The following ZSCAN26 variants were observed in gnomAD, a reference collection of about 807,000 sequenced individuals.
ZSCAN26 encodes the protein zinc finger and SCAN domain-containing protein 26.
A neutral mutation model predicts 23.0 loss-of-function variants in ZSCAN26; 26 were observed. The ratio of observed to expected loss-of-function variants is 1.13; its 90% CI spans 0.83 to 1.57. ZSCAN26 has a LOEUF of 1.57. Ranked by LOEUF, ZSCAN26 falls within the 40% of genes most tolerant of loss-of-function variation. The pLI, the probability that ZSCAN26 is intolerant of heterozygous loss-of-function variation, is 0.00. For synonymous variants in ZSCAN26, 180 were observed against 202.5 expected, an observed-to-expected ratio of 0.89 and a Z score of 0.94; for missense variants, 528 against 568.5, an observed-to-expected ratio of 0.93 and a Z score of 0.72.
intron 3 of ZSCAN26, among the ~76,000 whole-genome samples, chr6:28,274,006 C>G (rs1474709785): frequency 6.6e-6 from 1 of 152,118 alleles, no homozygotes; most frequent in South Asian, 2.1e-4. Context: ...TAGGTGCAAG[C>G]CACTCGCCCA....
At chr6:28,276,058 T>TG in intron 3 of ZSCAN26, 137 bp from the exon 4 acceptor site, 1 of 727,018 alleles carries the variant, frequency 1.4e-6, no homozygotes, top group Non-Finnish European at 2.2e-6. Context: ...TGTAACTATT[T>TG]TACGCAATCA....
chr6:28,272,108 A>C lies in ZSCAN26; in HGVS notation c.189A>C (p.Thr63=). Residue 63 remains threonine (T), a synonymous_variant, in exon 2 of 4, where the codon ACA becomes ACC. Transcript: ENST00000421553. ...GGCAGTTGCGTTATGAAGAGACCAC[A>C]GGACCTCGAGAAGCACTAAGTCGGC... ...QFRQLRYEET[T]GPREALSRLR... The C allele has an allele frequency of 1.3e-6, 2 of 1,595,722 alleles. No homozygotes were observed. The highest frequency in any genetic ancestry group is 1.7e-6 in the Non-Finnish European group (2 of 1,170,508).
At chr6:28,275,634 G>A (rs577076866) in intron 3 of ZSCAN26, among the ~76,000 whole-genome samples, 1 of 152,286 alleles carries the variant, frequency 6.6e-6, no homozygotes, top group South Asian at 2.1e-4. Context: ...TAGGAAAGGC[G>A]AAGGCATTTT....
At chr6:28,267,878 TAA>T (rs200177294) in intron 1 of ZSCAN26, among the ~76,000 whole-genome samples, 1 of 152,168 alleles carries the variant, frequency 6.6e-6, no homozygotes, top group Admixed American at 6.5e-5. Flanking sequence ...ACTTAAAAGT[TAA>T]GAGTAATTTT....
intron 3 of ZSCAN26, 21 bp from the exon 4 acceptor site, chr6:28,276,174 G>T: frequency 6.4e-7 from 1 of 1,564,006 alleles, no homozygotes; most frequent in South Asian, 1.2e-5. Context: ...AGTAATTGGT[G>T]GTATATATTT....
At chr6:28,269,106 CCATTT>C (rs1375664183) in intron 1 of ZSCAN26, among the ~76,000 whole-genome samples, 1 of 112,662 alleles carries the variant, frequency 8.9e-6, no homozygotes, top group Non-Finnish European at 1.6e-5. Context: ...GAGGCAGACT[CCATTT>C]CAAAGAAAAA....
chr6:28,272,106 A>G lies in ZSCAN26; in HGVS notation c.187A>G (p.Thr63Ala). 6.3e-7 allele frequency: 1 copy of G among 1,594,376 alleles called. No homozygotes were observed. Among genetic ancestry groups the G allele is most frequent in the South Asian group, 1.1e-5 (1 of 88,340 alleles). Reference sequence around the variant, plus strand: ...CAGGCAGTTGCGTTATGAAGAGACCACAGGACCTCGAGAAGCACTAAGTCG... The same window carrying G: ...CAGGCAGTTGCGTTATGAAGAGACCGCAGGACCTCGAGAAGCACTAAGTCG... Reference protein sequence around the residue: ...QFRQLRYEETTGPREALSRLR... With the variant: ...QFRQLRYEETAGPREALSRLR... The change falls in exon 2 of 4, where the codon ACA (threonine) becomes GCA (alanine). Residue 63 changes from threonine (T) to alanine (A), a missense_variant. Physicochemically the swap from Thr to Ala is moderately conservative, Grantham distance 58. Transcript: ENST00000421553.
rs1314001527 is a variant in ZSCAN26, at chr6:28,277,296, A to G, written c.*200A>G. 1.7e-6 allele frequency: 1 copy of G among 588,890 alleles called. No individual in the cohort carries two copies. The highest frequency in any genetic ancestry group is 3.0e-5 in the Admixed American group (1 of 32,966). 36.5% of individuals were successfully genotyped at this position (588,890 alleles called of 1,614,324 possible). A position where few individuals can be genotyped will look rare whatever the true frequency, so the allele number is the denominator to read the frequency against. ...ATAATTTCACTGTAGATGATATGCT[A>G]GGATCAAAGTTAAACAGCATTCTTC... On this transcript the variant is annotated 3_prime_UTR_variant, in exon 4 of 4. Transcript: ENST00000421553.
chr6:28,272,423 G>C (rs1331033286), intron 2 of ZSCAN26, 84 bp downstream of exon 2: 1 of 1,395,818 alleles, frequency 7.2e-7, no homozygotes, highest in African/African-American at 1.5e-5. Flanking sequence ...ATCAGCGGAA[G>C]GAGAATTACT....
intron 1 of ZSCAN26, among the ~76,000 whole-genome samples, chr6:28,268,861 C>T (rs1341617704): frequency 1.3e-5 from 2 of 152,158 alleles, no homozygotes; most frequent in Middle Eastern, 6.8e-3. Flanking sequence ...GCCTGTAATC[C>T]CAGCACTTCG....
chr6:28,269,144 A>G (rs772904707), intron 1 of ZSCAN26, among the ~76,000 whole-genome samples: 2 of 151,902 alleles, frequency 1.3e-5, no homozygotes, highest in Non-Finnish European at 2.9e-5. Flanking sequence ...CATACCCTAT[A>G]TATACATATC....
rs768817534 is a variant in ZSCAN26 at position 28,272,719 on chromosome 6, C to T, written c.470C>T (p.Pro157Leu). Residue 157 changes from proline to leucine, a missense_variant, in exon 3 of 4, where the codon CCT (proline) becomes CTT (leucine). Pro to Leu is a moderately conservative substitution (Grantham distance 98, BLOSUM62 -3). Transcript: ENST00000421553. Reference protein sequence around the residue: ...KQKILVEEMAPLKGVQEQQVR... With the variant: ...KQKILVEEMALLKGVQEQQVR... ...AAAATACTTGTGGAGGAGATGGCCC[C>T]TCTGAAAGGAGTACAGGAACAGCAG... 1 of 1,613,296 alleles carries T rather than the reference C, an allele frequency of 6.2e-7. No individual in the cohort carries two copies. Among genetic ancestry groups the T allele is most frequent in the African/African-American group, 1.3e-5 (1 of 75,016 alleles).
intron 3 of ZSCAN26, 28 bp from the exon 4 acceptor site, chr6:28,276,162 CAAGTA>C: frequency 1.3e-6 from 2 of 1,527,044 alleles, no homozygotes; most frequent in Non-Finnish European, 1.8e-6. Flanking sequence ...CATCAAAAGA[CAAGTA>C]ATTGGTGGTA....
Position 28,272,730 on chromosome 6 carries a change from G to T in ZSCAN26, c.481G>T (p.Val161Leu). The change falls in exon 3 of 4, where the codon GTA becomes TTA. Residue 161 changes from valine (V) to leucine (L), a missense_variant. Physicochemically the swap from Val to Leu is conservative, Grantham distance 32. Coordinates refer to ENST00000421553, the MANE Select transcript of ZSCAN26 (RefSeq NM_001023560.4). ...LVEEMAPLKG[V>L]QEQQVRHECE... ...GGAGGAGATGGCCCCTCTGAAAGGA[G>T]TACAGGAACAGCAGGTTCGGCATGA... 1.2e-6 allele frequency: 2 copies of T among 1,613,556 alleles called. No homozygotes were observed. Among genetic ancestry groups the T allele is most frequent in the Non-Finnish European group, 1.7e-6 (2 of 1,179,732 alleles).
intron 1 of ZSCAN26, 179 bp downstream of exon 1, chr6:28,267,392 G>T (rs1761488646): frequency 6.6e-6 from 1 of 152,170 alleles, no homozygotes; most frequent in South Asian, 2.1e-4. Flanking sequence ...CTGGTAAACA[G>T]AGTACAACCT....
rs768387728 is a variant in ZSCAN26, at chr6:28,276,334, C to G, written c.678C>G (p.Pro226=). ...GSNLERHQAK[P]KEKIEYKCSE... ...ACTTGGAAAGGCATCAGGCCAAGCC[C>G]AAAGAGAAGATTGAGTATAAATGCT... is the stretch of plus-strand genomic sequence containing the variant. Residue 226 remains proline (P), a synonymous_variant, in exon 4 of 4, where the codon CCC becomes CCG. Coordinates refer to ENST00000421553, the MANE Select transcript of ZSCAN26 (RefSeq NM_001023560.4). 1 of 1,613,918 alleles carries G rather than the reference C, an allele frequency of 6.2e-7. No homozygotes were observed. Among genetic ancestry groups the G allele is most frequent in the South Asian group, 1.1e-5 (1 of 91,080 alleles).
chr6:28,277,744 A>G lies in ZSCAN26; in HGVS notation c.*648A>G, dbSNP rs1334937976. The G allele has an allele frequency of 1.3e-5, 2 of 152,148 alleles. No homozygotes were observed. The highest frequency in any genetic ancestry group is 1.9e-4 in the East Asian group (1 of 5,188). The allele number at this position is 152,148 out of a possible 1,614,324, so 9.4% of individuals were successfully genotyped here. A position where few individuals can be genotyped will look rare whatever the true frequency, so the allele number is the denominator to read the frequency against. ...ATTTCCCATCCCCATTCCCCACCAC[A>G]TTATGTCAAGATTCAAGTTATAAAT... On this transcript the variant is annotated 3_prime_UTR_variant, in exon 4 of 4. Transcript: ENST00000421553.
Position 28,276,741 on chromosome 6 carries a change from G to A in ZSCAN26, c.1085G>A (p.Ser362Asn). ...CTTAATCGACATCAGAGAATTCACAGTCAGGAGGAGCCCTGTGAGTGCAAG... is the reference window on the plus strand; with the variant it reads ...CTTAATCGACATCAGAGAATTCACAATCAGGAGGAGCCCTGTGAGTGCAAG... ...SHLNRHQRIH[S>N]QEEPCECKEC... The change falls in exon 4 of 4, where the codon AGT becomes AAT. Residue 362 changes from serine to asparagine, a missense_variant. Coordinates refer to ENST00000421553, the MANE Select transcript of ZSCAN26 (RefSeq NM_001023560.4). 6.2e-7 allele frequency: 1 copy of A among 1,613,790 alleles called. No homozygotes were observed. The highest frequency in any genetic ancestry group is 8.5e-7 in the Non-Finnish European group (1 of 1,179,800).
Position 28,277,919 on chromosome 6 carries a change from A to C in ZSCAN26, c.*823A>C, listed in dbSNP as rs1762017341. The stretch of plus-strand genomic sequence containing the variant: ...CACTATTCAGTAAATGTCTGATGAA[A>C]GAAATTGGACTTTTTCCCTTTAATA... On this transcript the variant is annotated 3_prime_UTR_variant, in exon 4 of 4. Transcript: ENST00000421553. The C allele has an allele frequency of 6.6e-6, 1 of 152,220 alleles. No homozygotes were observed. The highest frequency in any genetic ancestry group is 1.5e-5 in the Non-Finnish European group (1 of 68,036). 9.4% of individuals were successfully genotyped at this position (152,220 alleles called of 1,614,324 possible). A position where few individuals can be genotyped will look rare whatever the true frequency, so the allele number is the denominator to read the frequency against.
Sources: gnomAD v4.1 joint callset for allele counts (sites outside exome capture counted in the v4.1 genomes callset) on GRCh38, gnomAD v4.1.1 for gene constraint, MANE v1.5 for transcripts, NCBI Gene and HGNC (gene_info 2026-07-23, HGNC 2026-07-21) for gene names.